Variants in PDE1C observed in about 807,000 individuals in gnomAD.
PDE1C encodes the protein dual specificity calcium/calmodulin-dependent 3',5'-cyclic nucleotide phosphodiesterase 1C.
In PDE1C, 62 loss-of-function variants were observed where a neutral mutation model predicts 93.1. The observed-to-expected ratio is 0.67, with a 90% confidence interval of 0.54 to 0.82. The LOEUF is 0.82. PDE1C is among the 40% of genes least tolerant of loss of function. PDE1C has a pLI of 0.00. For missense variants in PDE1C, 742 were observed against 884.6 expected (o/e 0.84, Z 2.04); for synonymous variants, 325 against 310.1 (o/e 1.05, Z -0.50).
At chr7:32,139,869 G>C (rs895991074) in intron 3 of PDE1C, among the ~76,000 whole-genome samples, 3 of 152,022 alleles carry the variant, frequency 2.0e-5, no homozygotes, top group Non-Finnish European at 4.4e-5. Context: ...CATGATGCTT[G>C]GAACCTCAAC....
intron 1 of PDE1C, among the ~76,000 whole-genome samples, chr7:32,368,461 T>C (rs553236406): frequency 6.6e-6 from 1 of 152,160 alleles, no homozygotes; most frequent in East Asian, 1.9e-4. Context: ...GTGAAAGACT[T>C]CTACAAGAAA....
chr7:31,953,505 C>A (rs1360957053), intron 2 of PDE1C, among the ~76,000 whole-genome samples: 3 of 152,210 alleles, frequency 2.0e-5, no homozygotes, highest in Non-Finnish European at 4.4e-5. Flanking sequence ...TGCTTGACAG[C>A]TCTATACAGG....
At chr7:31,772,045 C>CAAAAA (rs34055758) in intron 17 of PDE1C, among the ~76,000 whole-genome samples, 4 of 116,484 alleles carry the variant, frequency 3.4e-5, no homozygotes, top group African/African-American at 1.3e-4. Flanking sequence ...GACTCCGTCT[C>CAAAAA]AAAAAAAAAA....
intron 1 of PDE1C, among the ~76,000 whole-genome samples, chr7:32,278,476 T>C (rs902451560): frequency 5.3e-5 from 8 of 152,238 alleles, no homozygotes; most frequent in African/African-American, 1.9e-4. Context: ...AATGGGCCTT[T>C]AGTTTTCTGA....
intron 1 of PDE1C, among the ~76,000 whole-genome samples, chr7:32,255,409 C>T (rs6977000): frequency 0.12 from 17,756 of 152,170 alleles, 1,108 homozygotes; most frequent in East Asian, 0.15. Flanking sequence ...AACTTGAGAG[C>T]GCATCAGAAA....
chr7:32,336,905 C>T (rs1783636863), intron 1 of PDE1C, among the ~76,000 whole-genome samples: 1 of 152,170 alleles, frequency 6.6e-6, no homozygotes, highest in Non-Finnish European at 1.5e-5. Context: ...GAACAAACAA[C>T]TACAGTGAGC....
intron 1 of PDE1C, among the ~76,000 whole-genome samples, chr7:32,258,627 T>C (rs1350909969): frequency 1.3e-5 from 2 of 151,970 alleles, no homozygotes; most frequent in Non-Finnish European, 2.9e-5. Flanking sequence ...ATCACCATGT[T>C]AAAAAGAAAA....
At chr7:32,388,627 A>G (rs1784685891) in intron 1 of PDE1C, among the ~76,000 whole-genome samples, 2 of 143,356 alleles carry the variant, frequency 1.4e-5, no homozygotes, top group Admixed American at 1.5e-4. Flanking sequence ...GCAGTGAGCC[A>G]TGATTGCACC....
intron 1 of PDE1C, among the ~76,000 whole-genome samples, chr7:32,066,269 T>C (rs986522175): frequency 2.6e-5 from 4 of 152,146 alleles, no homozygotes; most frequent in Non-Finnish European, 1.5e-5. Flanking sequence ...TCTGTTAGCA[T>C]AGTAAGGTGG....
At chr7:31,742,002 CTAAGACTG>C in the PDE1C span, among the ~76,000 whole-genome samples, 1 of 152,172 alleles carries the variant, frequency 6.6e-6, no homozygotes, top group Non-Finnish European at 1.5e-5. Context: ...CTCCGGAGAC[CTAAGACTG>C]TGTTTTAGTC....
intron 1 of PDE1C, among the ~76,000 whole-genome samples, chr7:32,346,829 T>A (rs1166025509): frequency 1.3e-5 from 2 of 151,902 alleles, no homozygotes; most frequent in African/African-American, 4.8e-5. Context: ...GAAGTCAGAG[T>A]CAAAGACTAC....
At chr7:32,040,821 G>T (rs76155896) in intron 2 of PDE1C, among the ~76,000 whole-genome samples, 4 of 151,920 alleles carry the variant, frequency 2.6e-5, no homozygotes, top group Admixed American at 6.6e-5. Context: ...TTGCCCTTAC[G>T]TAGCTTGATC....
At chr7:31,673,942 C>T in the PDE1C span, among the ~76,000 whole-genome samples, 4 of 151,986 alleles carry the variant, frequency 2.6e-5, no homozygotes, top group Non-Finnish European at 4.4e-5. Context: ...TCATGGGTAG[C>T]GAAAAGAAAA....
the PDE1C span, chr7:31,658,565 T>A: frequency 2.5e-6 from 1 of 404,230 alleles, no homozygotes; most frequent in Non-Finnish European, 4.2e-6. Context: ...AAATTGTAAT[T>A]TAAAACAACA....
At chr7:31,965,314 C>A (rs185502776) in intron 2 of PDE1C, among the ~76,000 whole-genome samples, 2 of 152,158 alleles carry the variant, frequency 1.3e-5, no homozygotes, top group Non-Finnish European at 2.9e-5. Context: ...GACGAACGCA[C>A]AAGCCTCAGT....
At chr7:31,944,797 T>C (rs1008597784) in intron 2 of PDE1C, among the ~76,000 whole-genome samples, 7 of 152,178 alleles carry the variant, frequency 4.6e-5, no homozygotes, top group African/African-American at 1.2e-4. Context: ...TACCACAATG[T>C]ATCCATGATA....
At chr7:31,620,011 C>T in the PDE1C span, among the ~76,000 whole-genome samples, 9 of 152,178 alleles carry the variant, frequency 5.9e-5, no homozygotes. Flanking sequence ...ATTGCTAGCA[C>T]AGCAGTCTGA....
chr7:32,074,616 G>C (rs1796250348), upstream of PDE1C, among the ~76,000 whole-genome samples: 1 of 152,162 alleles, frequency 6.6e-6, no homozygotes, highest in African/African-American at 2.4e-5. Flanking sequence ...GTATATAATA[G>C]AGAAGGTACG....
chr7:31,775,155 C>T lies in PDE1C; in HGVS notation c.1960+509G>A, dbSNP rs758139979. 8.5e-5 allele frequency among the ~76,000 whole-genome samples: 13 copies of T among 152,154 alleles called. 1 individual carries two copies. Among genetic ancestry groups the T allele is most frequent in the Middle Eastern group, 3.4e-3 (1 of 294 alleles). ...GGTCATACATGCCTTCCATATTTCTCGATAGTAGAGATTATTATGAGCACT... is the reference window on the plus strand; with the variant it reads ...GGTCATACATGCCTTCCATATTTCTTGATAGTAGAGATTATTATGAGCACT... On this transcript the variant is annotated intron_variant, in intron 17 of 17. Coordinates refer to ENST00000396191, the MANE Select transcript of PDE1C (RefSeq NM_001191057.4).
Sources: allele counts gnomAD v4.1 joint callset (sites outside exome capture counted in the v4.1 genomes callset), GRCh38; gene constraint gnomAD v4.1.1; transcripts MANE v1.5; gene names NCBI Gene and HGNC (gene_info 2026-07-23, HGNC 2026-07-21).